Variants in CCZ1B observed in about 807,000 individuals in gnomAD.
CCZ1B encodes vacuolar fusion protein CCZ1 homolog B.
In CCZ1B, 25 loss-of-function variants were observed where a neutral mutation model predicts 58.8. The ratio of observed to expected loss-of-function variants is 0.43; its 90% CI spans 0.31 to 0.59. The LOEUF is 0.59. Among genes scored for constraint, CCZ1B ranks in the 20% least tolerant of loss-of-function variants. The pLI is 0.12. For synonymous variants in CCZ1B, 66 were observed against 173.2 expected (o/e 0.38, Z 4.86); for missense variants, 180 against 501.5 (o/e 0.36, Z 6.12).
In CCZ1B at chr7:6,824,625, A is replaced by G; in HGVS notation, c.218+15T>C. The G allele has an allele frequency of 6.2e-7, 1 of 1,612,488 alleles. No homozygotes were observed. The highest frequency in any genetic ancestry group is 8.5e-7 in the Non-Finnish European group (1 of 1,179,690). Reference sequence around the variant, plus strand: ...AGAATTCACTGAACGCTAAAGGCACACTTAGAGGTATTACCTTGTAAACTG... The same window carrying G: ...AGAATTCACTGAACGCTAAAGGCACGCTTAGAGGTATTACCTTGTAAACTG... On this transcript the variant is annotated intron_variant, in intron 2 of 14. Transcript: ENST00000316731.
rs1271402362 is a variant in CCZ1B at position 6,814,044 on chromosome 7, C to T, written c.780+720G>A. ...GCCTATAATCTCAGCTACTTGGGAG[C>T]CTGAGGCCGGAGAATTGTTTGAATC... is the stretch of plus-strand genomic sequence containing the variant. On this transcript the variant is annotated intron_variant, in intron 8 of 14. Coordinates refer to ENST00000316731, the MANE Select transcript of CCZ1B (RefSeq NM_198097.5). 1.6e-4 allele frequency among the ~76,000 whole-genome samples: 24 copies of T among 148,322 alleles called. 1 individual carries two copies. The highest frequency in any genetic ancestry group is 5.9e-4 in the African/African-American group (23 of 39,054).
At chr7:6,822,388 A>T (rs759408928) in intron 5 of CCZ1B, 24 bp from the exon 6 acceptor site, 19 of 1,582,732 alleles carry the variant, frequency 1.2e-5, no homozygotes, top group Non-Finnish European at 1.6e-5. Flanking sequence ...AGATTGCAGA[A>T]AAAAAAATCA....
Position 6,823,268 on chromosome 7 carries a change from G to C in CCZ1B, c.438+45C>G, listed in dbSNP as rs756425158. On this transcript the variant is annotated intron_variant, in intron 5 of 14. Transcript: ENST00000316731. Reference sequence around the variant, plus strand: ...AAACAACCCTGGAGCCTAGAGATAGGGGTAAGTGGTTGGACTCTGAGTTGA... The same window carrying C: ...AAACAACCCTGGAGCCTAGAGATAGCGGTAAGTGGTTGGACTCTGAGTTGA... 8.7e-6 allele frequency: 14 copies of C among 1,602,396 alleles called. 1 individual carries two copies. The South Asian group carries it at 1.2e-4, about 14-fold the overall frequency.
At chr7:6,821,667 C>T (rs1359149259) in intron 6 of CCZ1B, among the ~76,000 whole-genome samples, 1 of 151,668 alleles carries the variant, frequency 6.6e-6, no homozygotes, top group Non-Finnish European at 1.5e-5. Context: ...GAGGGAAGAT[C>T]GCTTGAAACC....
intron 8 of CCZ1B, among the ~76,000 whole-genome samples, chr7:6,813,754 T>G (rs1276029075): frequency 6.7e-6 from 1 of 149,492 alleles, no homozygotes; most frequent in Non-Finnish European, 1.5e-5. Context: ...AAACATCTAC[T>G]GAAAATTAGG....
At chr7:6,800,600 TG>T (rs1782750247) in intron 14 of CCZ1B, among the ~76,000 whole-genome samples, 1 of 136,830 alleles carries the variant, frequency 7.3e-6, no homozygotes, top group African/African-American at 2.8e-5. Context: ...TCCTAGGAGT[TG>T]GGGGCTGTGG....
intron 7 of CCZ1B, among the ~76,000 whole-genome samples, chr7:6,815,642 C>A (rs1030610015): frequency 2.0e-5 from 3 of 148,908 alleles, no homozygotes; most frequent in Admixed American, 1.3e-4. Flanking sequence ...AAGAGGCTCA[C>A]CACCTGACCG....
At chr7:6,820,313 G>C (rs1783088104) in intron 6 of CCZ1B, among the ~76,000 whole-genome samples, 1 of 149,028 alleles carries the variant, frequency 6.7e-6, no homozygotes, top group Admixed American at 6.7e-5. Flanking sequence ...TGAGCAGCTG[G>C]GACTACAGGC....
intron 10 of CCZ1B, among the ~76,000 whole-genome samples, chr7:6,810,162 C>G (rs1480601119): frequency 6.7e-6 from 1 of 149,372 alleles, no homozygotes; most frequent in Non-Finnish European, 1.5e-5. Context: ...GAGGCGTGCG[C>G]CACCTCACCT....
In CCZ1B at chr7:6,824,269, A is replaced by G. The variant is rs2711234; in HGVS notation, c.313-103T>C. The G allele has an allele frequency of 1.5e-5, 24 of 1,553,482 alleles. 1 individual carries two copies. Among genetic ancestry groups the G allele is most frequent in the Non-Finnish European group, 2.0e-5 (23 of 1,154,970 alleles). On this transcript the variant is annotated intron_variant, in intron 3 of 14. Coordinates refer to ENST00000316731, the MANE Select transcript of CCZ1B (RefSeq NM_198097.5). ...AACATGCTACAGCACCAGAAACACAACTTCTTAAAACAGCCCCAAGAATGA... is the reference window on the plus strand; with the variant it reads ...AACATGCTACAGCACCAGAAACACAGCTTCTTAAAACAGCCCCAAGAATGA...
At chr7:6,806,124 G>GA in intron 10 of CCZ1B, 87 bp from the exon 11 acceptor site, 1 of 665,522 alleles carries the variant, frequency 1.5e-6, no homozygotes, top group South Asian at 1.9e-5. Flanking sequence ...AGTCAATGGG[G>GA]AGAAGTCAAC....
intron 6 of CCZ1B, among the ~76,000 whole-genome samples, chr7:6,820,834 G>T (rs1315970186): frequency 1.4e-5 from 2 of 145,462 alleles, no homozygotes. Flanking sequence ...AGAATCACTT[G>T]AACTTGGGAG....
At chr7:6,810,516 G>C (rs1464474827) in intron 10 of CCZ1B, among the ~76,000 whole-genome samples, 2 of 147,766 alleles carry the variant, frequency 1.4e-5, no homozygotes, top group African/African-American at 2.6e-5. Flanking sequence ...GCAGTGGTGT[G>C]ATCATAGCTC....
intron 5 of CCZ1B, among the ~76,000 whole-genome samples, chr7:6,822,900 C>T (rs1432564097): frequency 6.8e-6 from 1 of 146,380 alleles, no homozygotes; most frequent in Non-Finnish European, 1.5e-5. Flanking sequence ...GAGATGGGGT[C>T]TTGCTATATT....
intron 10 of CCZ1B, among the ~76,000 whole-genome samples, chr7:6,809,705 C>T (rs1782889866): frequency 7.6e-6 from 1 of 130,792 alleles, no homozygotes; most frequent in Non-Finnish European, 1.6e-5. Flanking sequence ...CACAGCCCAA[C>T]TTTAAGTGAC....
chr7:6,819,666 C>G, intron 7 of CCZ1B, 100 bp downstream of exon 7: 1 of 663,920 alleles, frequency 1.5e-6, no homozygotes, highest in Admixed American at 3.1e-5. Flanking sequence ...CCATCCTCCC[C>G]GCTGCAAGTT....
intron 9 of CCZ1B, among the ~76,000 whole-genome samples, chr7:6,812,674 G>A (rs372380977): frequency 1.5e-4 from 23 of 152,058 alleles, no homozygotes; most frequent in Admixed American, 1.5e-3. Context: ...TGTAATCCCA[G>A]CACTTTGGGA....
chr7:6,814,785 G>GA lies in CCZ1B; in HGVS notation c.758dup (p.Arg255LysfsTer6), dbSNP rs1782973462. On this transcript the variant is annotated frameshift_variant, in exon 8 of 15. Coordinates refer to ENST00000316731, the MANE Select transcript of CCZ1B (RefSeq NM_198097.5). LOFTEE classifies it high-confidence loss of function. ...ATACCTCAGGTTCGATGTGCCTTGG[G>GA]AAAAGGGAGGTGGTAAGGTATTTGT... The GA allele has an allele frequency of 1.9e-6, 3 of 1,606,942 alleles. No individual in the cohort carries two copies. The Admixed American group carries it at 5.0e-5, about 27-fold the overall frequency.
rs535487223 is a variant in CCZ1B, at chr7:6,814,332, C to T, written c.780+432G>A. Among the ~76,000 whole-genome samples the T allele has an allele frequency of 4.6e-4, 68 of 149,070 alleles. 2 individuals are homozygous for T. The highest frequency in any genetic ancestry group is 1.7e-3 in the African/African-American group (68 of 39,286). ...TGGGCAGATCACAAGGTCAGGAGTT[C>T]GAGACCAGCCTGGCCAACATAGTGA... On this transcript the variant is annotated intron_variant, in intron 8 of 14. Transcript: ENST00000316731.
Sources: allele counts gnomAD v4.1 joint callset (sites outside exome capture counted in the v4.1 genomes callset), GRCh38; gene constraint gnomAD v4.1.1; transcripts MANE v1.5; gene names NCBI Gene and HGNC (gene_info 2026-07-23, HGNC 2026-07-21).